Variants in FMN2 observed in about 807,000 individuals in gnomAD.
FMN2 encodes the protein formin-2.
FMN2 carries 51 observed loss-of-function variants against 142.3 expected under a neutral mutation model. The observed-to-expected ratio is 0.36, with a 90% CI of 0.29 to 0.45. The LOEUF (loss-of-function observed/expected upper bound fraction) is 0.45. Among genes scored for constraint, FMN2 ranks in the 20% least tolerant of loss-of-function variants. The pLI is 1.00. For synonymous variants in FMN2, 882 were observed against 869.8 expected (o/e 1.01, Z -0.25); for missense variants, 1,936 against 2,122.8 (o/e 0.91, Z 1.73).
intron 15 of FMN2, among the ~76,000 whole-genome samples, chr1:240,413,272 A>G (rs980333082): frequency 5.3e-5 from 8 of 151,228 alleles, no homozygotes; most frequent in African/African-American, 9.7e-5. Context: ...GGTGGTTTTT[A>G]TGGAACCCGA....
intron 15 of FMN2, among the ~76,000 whole-genome samples, chr1:240,407,282 C>T (rs1202311715): frequency 6.6e-6 from 1 of 152,036 alleles, no homozygotes; most frequent in Non-Finnish European, 1.5e-5. Flanking sequence ...CGATTACAGG[C>T]GCGCGCCACT....
At chr1:240,153,594 G>T (rs546216288) in intron 2 of FMN2, among the ~76,000 whole-genome samples, 4 of 151,902 alleles carry the variant, frequency 2.6e-5, no homozygotes, top group African/African-American at 9.6e-5. Context: ...TGAACTCAGG[G>T]CTCAAGTGAT....
intron 15 of FMN2, among the ~76,000 whole-genome samples, chr1:240,401,658 T>C (rs1181000919): frequency 6.6e-6 from 1 of 152,244 alleles, no homozygotes; most frequent in African/African-American, 2.4e-5. Context: ...TTGTGATAGC[T>C]GAGTTGGGCT....
Position 240,474,224 on chromosome 1 carries a change from G to C in FMN2, c.*70G>C. The C allele has an allele frequency of 7.3e-7, 1 of 1,367,874 alleles. No individual in the cohort carries two copies. The highest frequency in any genetic ancestry group is 9.9e-7 in the Non-Finnish European group (1 of 1,009,340). 84.7% of individuals were successfully genotyped at this position (1,367,874 alleles called of 1,614,324 possible). ...CAAAATTCAGCTGACCTGAGAGTGG[G>C]AGGGAAACTACCGTCATTCTGCTCA... On this transcript the variant is annotated 3_prime_UTR_variant, in exon 18 of 18. Transcript: ENST00000319653.
chr1:240,329,064 T>C lies in FMN2; in HGVS notation c.4216-12T>C, dbSNP rs1671292988. 1 of 1,612,280 alleles carries C rather than the reference T, an allele frequency of 6.2e-7. No individual in the cohort carries two copies. Among genetic ancestry groups the C allele is most frequent in the Non-Finnish European group, 8.5e-7 (1 of 1,179,320 alleles). On this transcript the variant is annotated splice_polypyrimidine_tract_variant and intron_variant, in intron 8 of 17. Coordinates refer to ENST00000319653, the MANE Select transcript of FMN2 (RefSeq NM_020066.5). ...CAGACTTTGAAAAACTATTTGGTTT[T>C]TGTTTTTCTAGAGAGCACAGTCAGA...
chr1:240,373,868 T>A (rs987524313), intron 14 of FMN2, among the ~76,000 whole-genome samples: 2 of 152,216 alleles, frequency 1.3e-5, no homozygotes, highest in Admixed American at 6.5e-5. Flanking sequence ...TTTAGATAGT[T>A]TTCAATTGAT....
At chr1:240,403,935 T>A (rs1397536098) in intron 15 of FMN2, among the ~76,000 whole-genome samples, 1 of 152,206 alleles carries the variant, frequency 6.6e-6, no homozygotes, top group Non-Finnish European at 1.5e-5. Context: ...GAAATTGTAA[T>A]GGAAGAACGC....
intron 3 of FMN2, among the ~76,000 whole-genome samples, chr1:240,184,948 T>G (rs112020472): frequency 4.2e-3 from 303 of 71,974 alleles, no homozygotes; most frequent in African/African-American, 0.012. Flanking sequence ...TCCTATACCT[T>G]CCCCTTCTCT....
chr1:240,350,095 G>A (rs1433366672), intron 13 of FMN2, among the ~76,000 whole-genome samples: 4 of 152,124 alleles, frequency 2.6e-5, no homozygotes, highest in African/African-American at 9.7e-5. Flanking sequence ...TTATATGTAA[G>A]CACATTGAGC....
chr1:240,273,924 G>T (rs905078627), intron 7 of FMN2, among the ~76,000 whole-genome samples: 3 of 152,070 alleles, frequency 2.0e-5, no homozygotes, highest in Non-Finnish European at 4.4e-5. Context: ...GAATGTTAGG[G>T]TGTATGAGAG....
chr1:240,353,931 G>A (rs1394887436), intron 13 of FMN2, among the ~76,000 whole-genome samples: 2 of 152,042 alleles, frequency 1.3e-5, no homozygotes, highest in Admixed American at 1.3e-4. Context: ...GCTGTTCAGG[G>A]GCAGTTACAT....
chr1:240,421,400 A>G (rs996879026), intron 15 of FMN2, among the ~76,000 whole-genome samples: 1 of 152,172 alleles, frequency 6.6e-6, no homozygotes, highest in Non-Finnish European at 1.5e-5. Context: ...CAAATTACCT[A>G]ATTTTTATTG....
chr1:240,296,397 G>A (rs532350244), intron 8 of FMN2, among the ~76,000 whole-genome samples: 1 of 133,510 alleles, frequency 7.5e-6, no homozygotes, highest in African/African-American at 2.8e-5. Flanking sequence ...TTAAGGTAAA[G>A]TCTCAGTGTG....
Position 240,472,401 on chromosome 1 carries a change from A to G in FMN2, c.5090A>G (p.Gln1697Arg), listed in dbSNP as rs1676841718. ...AAAGAAGCCGAAGAGGTGTGTAGAC[A>G]GAAGAAAGGAAAATCACTTTATAAA... ...RVKEAEEVCR[Q>R]KKGKSLYKIK... Residue 1697 changes from glutamine to arginine, a missense_variant, in exon 17 of 18, where the codon CAG becomes CGG. Transcript: ENST00000319653. 1.2e-6 allele frequency: 2 copies of G among 1,612,536 alleles called. No homozygotes were observed. Among genetic ancestry groups the G allele is most frequent in the South Asian group, 1.1e-5 (1 of 90,544 alleles).
At chr1:240,382,955 G>T (rs1673280459) in intron 14 of FMN2, among the ~76,000 whole-genome samples, 3 of 151,980 alleles carry the variant, frequency 2.0e-5, no homozygotes, top group African/African-American at 7.3e-5. Flanking sequence ...AAGAAACAAA[G>T]CCACATATGT....
intron 8 of FMN2, among the ~76,000 whole-genome samples, chr1:240,297,665 C>G (rs1429095632): frequency 6.7e-6 from 1 of 149,912 alleles, no homozygotes; most frequent in Non-Finnish European, 1.5e-5. Flanking sequence ...AGTAATTTCA[C>G]AAAATATAAA....
At chr1:240,170,821 C>A in intron 2 of FMN2, 1 of 859,486 alleles carries the variant, frequency 1.2e-6, no homozygotes, top group Non-Finnish European at 2.0e-6. Context: ...TGGTGCATCC[C>A]GGATCATTGG....
intron 16 of FMN2, among the ~76,000 whole-genome samples, chr1:240,448,403 T>C (rs1675897814): frequency 6.6e-6 from 1 of 152,224 alleles, no homozygotes; most frequent in Admixed American, 6.5e-5. Context: ...TTTTGAACAA[T>C]TATTCATCTA....
chr1:240,451,193 C>T (rs1300711724), intron 16 of FMN2, among the ~76,000 whole-genome samples: 1 of 152,010 alleles, frequency 6.6e-6, no homozygotes, highest in Non-Finnish European at 1.5e-5. Context: ...TGGCGAAACC[C>T]TGTCTCTACT....
Sources: allele counts gnomAD v4.1 joint callset (sites outside exome capture counted in the v4.1 genomes callset), GRCh38; gene constraint gnomAD v4.1.1; transcripts MANE v1.5; gene names NCBI Gene and HGNC (gene_info 2026-07-23, HGNC 2026-07-21).